Variants in EPHB4 observed in about 807,000 individuals in gnomAD.
EPHB4 encodes the protein EPH receptor B4, also known as ephrin type-B receptor 4.
Under a neutral mutation model 110.6 loss-of-function variants are expected in EPHB4, and 50 were observed. The ratio of observed to expected loss-of-function variants is 0.45; its 90% CI spans 0.36 to 0.57. EPHB4 has a LOEUF of 0.57. EPHB4 is among the 20% of genes least tolerant of loss of function. The pLI is 0.00. For synonymous variants in EPHB4, 592 were observed against 578.4 expected, an observed-to-expected ratio of 1.02 and a Z score of -0.34; for missense variants, 1,128 against 1,382.1, an observed-to-expected ratio of 0.82 and a Z score of 2.91.
At chr7:100,823,012 G>C (rs768504321) in intron 3 of EPHB4, among the ~76,000 whole-genome samples, 1 of 152,208 alleles carries the variant, frequency 6.6e-6, no homozygotes, top group Non-Finnish European at 1.5e-5. Flanking sequence ...GAGGCCGGGC[G>C]TAGTGCCTCA....
rs1813262301 is a variant in EPHB4 at position 100,822,547 on chromosome 7, A to C, written c.532T>G (p.Phe178Val). The stretch of plus-strand genomic sequence containing the variant: ...GCCATGCAGGCACCCTGGTCCTGGA[A>C]GGCCAGGTAGAAGCCAGCCTTGCTG... ...PLSKAGFYLA[F>V]QDQGACMALL... The change falls in exon 4 of 17, where the codon TTC becomes GTC. Residue 178 changes from phenylalanine to valine, a missense_variant. Phe to Val is a conservative substitution (Grantham distance 50, BLOSUM62 -1). Coordinates refer to ENST00000358173, the MANE Select transcript of EPHB4 (RefSeq NM_004444.5). This position sits in a 1 kb window ranked among gnomAD's most constrained non-coding sequence, Gnocchi z 4.7. 2 of 1,613,282 alleles carry C rather than the reference A, an allele frequency of 1.2e-6. No homozygotes were observed. Among genetic ancestry groups the C allele is most frequent in the Non-Finnish European group, 1.7e-6 (2 of 1,179,942 alleles).
chr7:100,810,460 C>T (rs974680383), intron 12 of EPHB4, among the ~76,000 whole-genome samples: 43 of 151,530 alleles, frequency 2.8e-4, no homozygotes, highest in Non-Finnish European at 8.8e-5. Context: ...ATATAATAAT[C>T]AGCAGGCGTG....
Position 100,822,029 on chromosome 7 carries a change from G to A in EPHB4, c.808+242C>T, listed in dbSNP as rs1033731933. On this transcript the variant is annotated intron_variant, in intron 4 of 16. Coordinates refer to ENST00000358173, the MANE Select transcript of EPHB4 (RefSeq NM_004444.5). The surrounding 1 kb of genome is among the most constrained non-coding windows in gnomAD (Gnocchi z 4.7). Reference sequence around the variant, plus strand: ...ACAAAAATTAGCCGGGCGTGGTGGCGTGTGCCTGTAGTCCCAGCTACTCAC... The same window carrying A: ...ACAAAAATTAGCCGGGCGTGGTGGCATGTGCCTGTAGTCCCAGCTACTCAC... Among the ~76,000 whole-genome samples, 2 of 151,884 alleles carry A rather than the reference G, an allele frequency of 1.3e-5. No individual in the cohort carries two copies. Among genetic ancestry groups the A allele is most frequent in the Admixed American group, 6.6e-5 (1 of 15,260 alleles).
intron 2 of EPHB4, 109 bp from the exon 3 acceptor site, chr7:100,824,040 C>T: frequency 6.6e-7 from 1 of 1,514,806 alleles, no homozygotes. Context: ...GCTGCTGGTA[C>T]TGCGAGGAGG....
At chr7:100,814,204 G>A in intron 8 of EPHB4, 183 bp from the exon 9 acceptor site, 3 of 581,830 alleles carry the variant, frequency 5.2e-6, no homozygotes, top group Non-Finnish European at 8.9e-6. Flanking sequence ...CTCTCCCCCA[G>A]GGGCCAGCAG....
At chr7:100,805,791 G>A in intron 14 of EPHB4, 97 bp from the exon 15 acceptor site, 1 of 1,214,850 alleles carries the variant, frequency 8.2e-7, no homozygotes, top group South Asian at 2.4e-5. Flanking sequence ...GGTAGGATAG[G>A]AGCCACAGCC....
Position 100,824,303 on chromosome 7 carries a change from C to T in EPHB4, c.53-30G>A, listed in dbSNP as rs754622180. The T allele has an allele frequency of 2.5e-6, 4 of 1,612,562 alleles. No homozygotes were observed. In the East Asian group the frequency reaches 6.7e-5, roughly 27 times the overall value. On this transcript the variant is annotated intron_variant, in intron 1 of 16. Transcript: ENST00000358173. ...GACAGACAGAGAGACAGAGTCAGTG[C>T]CTGGGGTGGGGGAGGGAGGTCAGGA...
chr7:100,804,187 G>A (rs1211512282), intron 16 of EPHB4, among the ~76,000 whole-genome samples: 1 of 147,922 alleles, frequency 6.8e-6, no homozygotes, highest in South Asian at 2.1e-4. Context: ...GTTTTGTAGA[G>A]ATGGGGTTTT....
In EPHB4 at chr7:100,817,930, T is replaced by C. The variant is rs537063030; in HGVS notation, c.1423-573A>G. Among the ~76,000 whole-genome samples the C allele has an allele frequency of 2.1e-4, 27 of 127,154 alleles. No individual in the cohort carries two copies. In the East Asian group the frequency reaches 4.7e-3, roughly 22 times the overall value. 83.4% of individuals were successfully genotyped at this position (127,154 alleles called of 152,430 possible). ...CGCCCAGGCCGGACTGCAGTGGCGC[T>C]ATCTCGGCTCACTGCAAGCTCCGCC... On this transcript the variant is annotated intron_variant, in intron 7 of 16. Coordinates refer to ENST00000358173, the MANE Select transcript of EPHB4 (RefSeq NM_004444.5).
At chr7:100,806,358 C>G in intron 14 of EPHB4, 62 bp downstream of exon 14, 1 of 1,554,002 alleles carries the variant, frequency 6.4e-7, no homozygotes, top group East Asian at 2.3e-5. Context: ...ACCCACCCTT[C>G]ACCCCAAATC....
At chr7:100,819,934 G>A (rs1213511696) in intron 5 of EPHB4, 45 bp from the exon 6 acceptor site, 1 of 1,510,928 alleles carries the variant, frequency 6.6e-7, no homozygotes, top group South Asian at 1.3e-5. Flanking sequence ...CTGCTCTGCG[G>A]TGGTGGGGAG....
Position 100,813,313 on chromosome 7 carries a change from T to TTTG in EPHB4, c.1757-106_1757-105insCAA. 3.5e-6 allele frequency: 3 copies of TTTG among 858,066 alleles called. No homozygotes were observed. The East Asian group carries it at 8.2e-5, about 24-fold the overall frequency. The allele number at this position is 858,066 out of a possible 1,614,324, so 53.2% of individuals were successfully genotyped here. A position where few individuals can be genotyped will look rare whatever the true frequency, so the allele number is the denominator to read the frequency against. Reference sequence around the variant, plus strand: ...CAAACCCCTGTCTCCGTGGTTTTTTTTTTTTTTTTTTTTTTTCCTGAGATG... The same window carrying TTTG: ...CAAACCCCTGTCTCCGTGGTTTTTTTTTGTTTTTTTTTTTTTTTTCCTGAGATG... On this transcript the variant is annotated intron_variant, in intron 10 of 16. Transcript: ENST00000358173.
chr7:100,818,612 G>A lies in EPHB4; in HGVS notation c.1330C>T (p.Arg444Trp), dbSNP rs370505170. 2.0e-5 allele frequency: 33 copies of A among 1,612,628 alleles called. No individual in the cohort carries two copies. The highest frequency in any genetic ancestry group is 5.0e-5 in the Admixed American group (3 of 59,984). ...PPAVSDIRVT[R>W]SSPSSLSLAW... is the part of the protein sequence containing the mutation. The stretch of plus-strand genomic sequence containing the variant: ...AGGCTCAAGCTGCTGGGTGAGGACC[G>A]CGTCACCCGGATGTCAGACACTGCA... Residue 444 changes from arginine (R) to tryptophan (W), a missense_variant, in exon 7 of 17, where the codon CGG becomes TGG. Physicochemically the swap from Arg to Trp is moderately radical, Grantham distance 101. Transcript: ENST00000358173.
intron 10 of EPHB4, 114 bp downstream of exon 10, chr7:100,813,538 A>T: frequency 8.8e-7 from 1 of 1,130,286 alleles, no homozygotes; most frequent in Non-Finnish European, 1.3e-6. Context: ...CTGGTCTCGA[A>T]CTCCTGACCT....
rs1261673287 is a variant in EPHB4, at chr7:100,813,948, C to CACCAGG, written c.1656_1661dup (p.Leu553_Val554dup). 3 of 1,614,168 alleles carry CACCAGG rather than the reference C, an allele frequency of 1.9e-6. No individual in the cohort carries two copies. The highest frequency in any genetic ancestry group is 3.3e-5 in the Admixed American group (2 of 60,026). ...GGCAGAGAACTGCGACCACAATGACCACCAGGACCAGGACCACACCCACGA... is the reference window on the plus strand; with the variant it reads ...GGCAGAGAACTGCGACCACAATGACCACCAGGACCAGGACCAGGACCACACCCACGA... On this transcript the variant is annotated inframe_insertion, in exon 9 of 17. Transcript: ENST00000358173.
intron 1 of EPHB4, 127 bp downstream of exon 1, chr7:100,826,852 G>A (rs763916553): frequency 1.1e-6 from 1 of 909,114 alleles, no homozygotes. Context: ...CTATCGGTCC[G>A]AAGTGTTTGG....
At chr7:100,826,613 A>C (rs1426691461) in intron 1 of EPHB4, among the ~76,000 whole-genome samples, 1 of 152,032 alleles carries the variant, frequency 6.6e-6, no homozygotes, top group Non-Finnish European at 1.5e-5. Flanking sequence ...ACCTTCCCTC[A>C]TGTACGGCGG....
chr7:100,825,168 T>C (rs551992218), intron 1 of EPHB4: 12 of 151,964 alleles, frequency 7.9e-5, no homozygotes, highest in Admixed American at 3.3e-4. Context: ...TCCCACCCCA[T>C]GGGAGCTGCA....
rs1053554174 is a variant in EPHB4 at position 100,820,440 on chromosome 7, G to C, written c.809-144C>G. 16 of 889,692 alleles carry C rather than the reference G, an allele frequency of 1.8e-5. No homozygotes were observed. The Admixed American group carries it at 2.5e-4, about 14-fold the overall frequency. The allele number at this position is 889,692 out of a possible 1,614,324, so 55.1% of individuals were successfully genotyped here. A position where few individuals can be genotyped will look rare whatever the true frequency, so the allele number is the denominator to read the frequency against. The stretch of plus-strand genomic sequence containing the variant: ...GAGCCAAGGGGTTCAAGACCAGCCT[G>C]GGCAACATATCGAGATCCCATCTCC... On this transcript the variant is annotated intron_variant, in intron 4 of 16. Transcript: ENST00000358173.
Sources: gnomAD v4.1 joint callset for allele counts (sites outside exome capture counted in the v4.1 genomes callset) on GRCh38, gnomAD v4.1.1 for gene constraint, Gnocchi (gnomAD v3.1) non-coding constraint, MANE v1.5 for transcripts, NCBI Gene and HGNC (gene_info 2026-07-23, HGNC 2026-07-21) for gene names.